Variants in SNX19 observed in about 807,000 individuals in gnomAD.
The protein encoded by SNX19 is sorting nexin-19.
SNX19 carries 60 observed loss-of-function variants against 85.2 expected under a neutral mutation model. The observed-to-expected ratio is 0.70, with a 90% confidence interval of 0.57 to 0.87. The LOEUF (loss-of-function observed/expected upper bound fraction) is 0.87, where lower values mean the gene tolerates loss of function less well. Ranked by LOEUF, SNX19 falls within the 40% of genes least tolerant of loss-of-function variation. The probability of loss-of-function intolerance (pLI) is 0.00; values close to 1 mark genes in which losing one functional copy is unlikely to be tolerated. For synonymous variants in SNX19, 520 were observed against 470.0 expected (o/e 1.11, Z -1.38); for missense variants, 1,201 against 1,217.8 (o/e 0.99, Z 0.21).
rs538029670 is a variant in SNX19 at position 130,905,960 on chromosome 11, G to A, written c.2436C>T (p.Ser812=). 1.1e-5 allele frequency: 17 copies of A among 1,614,196 alleles called. No individual in the cohort carries two copies. The African/African-American group carries it at 1.6e-4, about 15-fold the overall frequency. Reference sequence around the variant, plus strand: ...AGAGACCTCGCCACTCACCTGGATCGCTGTTGCTGGGGTCTTGGGCTGGCA... The same window carrying A: ...AGAGACCTCGCCACTCACCTGGATCACTGTTGCTGGGGTCTTGGGCTGGCA... ...AAVPAQDPSN[S]DPGTETELAD... is the part of the protein sequence containing the mutation. Residue 812 remains serine (S), a synonymous_variant, in exon 7 of 11, where the codon AGC becomes AGT. Transcript: ENST00000265909.
At chr11:130,912,273 AT>A (rs1459246406) in intron 1 of SNX19, among the ~76,000 whole-genome samples, 3 of 152,176 alleles carry the variant, frequency 2.0e-5, no homozygotes, top group Non-Finnish European at 4.4e-5. Flanking sequence ...ACGCAGATTA[AT>A]TTTCCTAATT....
At chr11:130,910,445 A>C in intron 2 of SNX19, 75 bp from the exon 3 acceptor site, 1 of 1,071,610 alleles carries the variant, frequency 9.3e-7, no homozygotes, top group South Asian at 1.5e-5. Context: ...AAAACATATA[A>C]AGAAAACAGA....
rs761450803 is a variant in SNX19, at chr11:130,878,558, A to T, written c.2847-4T>A. 31 of 1,612,312 alleles carry T rather than the reference A, an allele frequency of 1.9e-5. No individual in the cohort carries two copies. The highest frequency in any genetic ancestry group is 2.5e-5 in the Non-Finnish European group (30 of 1,179,218). On this transcript the variant is annotated splice_region_variant and splice_polypyrimidine_tract_variant and intron_variant, in intron 10 of 10. Transcript: ENST00000265909. ...CCCAAGGCAGTAAATCAAATGCCTG[A>T]AACGAATGGACAAAAAACTTAGGGT...
At chr11:130,909,003 G>T (rs1945881842) in intron 4 of SNX19, among the ~76,000 whole-genome samples, 1 of 152,164 alleles carries the variant, frequency 6.6e-6, no homozygotes, top group Admixed American at 6.5e-5. Flanking sequence ...TAAAGACTGG[G>T]GGAGAACAAA....
intron 8 of SNX19, among the ~76,000 whole-genome samples, chr11:130,886,865 A>G (rs1944118105): frequency 6.6e-6 from 1 of 152,132 alleles, no homozygotes; most frequent in African/African-American, 2.4e-5. Context: ...TCCAGACCCA[A>G]GTTACTCAGC....
At chr11:130,889,056 T>C (rs1944302657) in intron 8 of SNX19, among the ~76,000 whole-genome samples, 2 of 152,164 alleles carry the variant, frequency 1.3e-5, no homozygotes, top group African/African-American at 4.8e-5. Context: ...CCCAAACAAT[T>C]ACCTACATAT....
intron 8 of SNX19, among the ~76,000 whole-genome samples, chr11:130,881,706 C>T (rs2135283562): frequency 6.6e-6 from 1 of 152,366 alleles, no homozygotes; most frequent in Middle Eastern, 3.4e-3. Context: ...GAGCAAGTCT[C>T]AAGTCTGCCC....
At chr11:130,905,760 T>C in intron 7 of SNX19, 193 bp downstream of exon 7, 2 of 1,537,290 alleles carry the variant, frequency 1.3e-6, no homozygotes, top group African/African-American at 1.4e-5. Flanking sequence ...GTTCTGCTGC[T>C]TGATTCCGCT....
At chr11:130,887,544 G>A (rs1565515043) in intron 8 of SNX19, among the ~76,000 whole-genome samples, 1 of 152,186 alleles carries the variant, frequency 6.6e-6, no homozygotes, top group Non-Finnish European at 1.5e-5. Flanking sequence ...AATTAGCAAT[G>A]TGACCTCAGG....
At position 130,878,217 on chromosome 11, in the gene SNX19, C is replaced by G; in HGVS notation, c.*205G>C. On this transcript the variant is annotated 3_prime_UTR_variant, in exon 11 of 11. Transcript: ENST00000265909. ...AACAATCCCAACATCACAAAAGGAACAGGGAAATAAACGTGCATACAACTG... is the reference window on the plus strand; with the variant it reads ...AACAATCCCAACATCACAAAAGGAAGAGGGAAATAAACGTGCATACAACTG... 2.2e-6 allele frequency: 1 copy of G among 448,652 alleles called. No homozygotes were observed. The highest frequency in any genetic ancestry group is 3.9e-6 in the Non-Finnish European group (1 of 253,772). The allele number at this position is 448,652 out of a possible 1,614,324, so 27.8% of individuals were successfully genotyped here.
intron 7 of SNX19, 89 bp from the exon 8 acceptor site, chr11:130,903,473 C>A: frequency 7.1e-7 from 1 of 1,416,154 alleles, no homozygotes; most frequent in South Asian, 1.4e-5. Context: ...CTGTGTCTCT[C>A]TACCTTCATG....
chr11:130,904,634 G>C (rs1945512641), intron 7 of SNX19, among the ~76,000 whole-genome samples: 1 of 146,828 alleles, frequency 6.8e-6, no homozygotes, highest in African/African-American at 2.4e-5. Context: ...AGTTACAGCA[G>C]TGAAAAATAA....
At chr11:130,906,154 T>C in intron 6 of SNX19, 21 bp from the exon 7 acceptor site, 1 of 1,609,012 alleles carries the variant, frequency 6.2e-7, no homozygotes, top group Non-Finnish European at 8.5e-7. Context: ...GTCAGTGGCA[T>C]ATCACATATG....
chr11:130,891,798 A>G (rs1944514376), intron 8 of SNX19, among the ~76,000 whole-genome samples: 1 of 151,502 alleles, frequency 6.6e-6, no homozygotes, highest in African/African-American at 2.4e-5. Context: ...AACAATTTCT[A>G]TATTTGAGTA....
chr11:130,892,745 A>T (rs1944583705), intron 8 of SNX19: 1 of 151,902 alleles, frequency 6.6e-6, no homozygotes, highest in African/African-American at 2.4e-5. Flanking sequence ...ACCTCCATGT[A>T]CCAACCAATA....
chr11:130,908,987 C>T (rs1057095095), intron 4 of SNX19, among the ~76,000 whole-genome samples: 1 of 152,196 alleles, frequency 6.6e-6, no homozygotes, highest in African/African-American at 2.4e-5. Flanking sequence ...GGTCAGCAGA[C>T]TACAGTAAAG....
chr11:130,884,890 A>AAAAAAAAAAAAAAAAAAG (rs1565511876), intron 8 of SNX19, among the ~76,000 whole-genome samples: 1 of 145,502 alleles, frequency 6.9e-6, no homozygotes. Flanking sequence ...AAAAAAAAAA[A>AAAAAAAAAAAAAAAAAAG]AAATTACTTA....
rs917753004 is a variant in SNX19 at position 130,871,718 on chromosome 11, C to T, written c.*6704G>A. On this transcript the variant is annotated 3_prime_UTR_variant, in exon 11 of 11. Transcript: ENST00000265909. ...CTGTGTTTATCTAGCTACATCTTTA[C>T]TCTCATGGGTTAATCAAAGTTTCTG... 5.3e-5 allele frequency among the ~76,000 whole-genome samples: 8 copies of T among 152,162 alleles called. No individual in the cohort carries two copies. The highest frequency in any genetic ancestry group is 1.9e-4 in the African/African-American group (8 of 41,434).
At chr11:130,897,527 G>A (rs537265399) in intron 8 of SNX19, among the ~76,000 whole-genome samples, 4 of 152,274 alleles carry the variant, frequency 2.6e-5, no homozygotes, top group South Asian at 4.1e-4. Context: ...TGGCATTCAC[G>A]CATTCTGCTG....
Sources: gnomAD v4.1 joint callset for allele counts (sites outside exome capture counted in the v4.1 genomes callset) on GRCh38, gnomAD v4.1.1 for gene constraint, MANE v1.5 for transcripts, NCBI Gene and HGNC (gene_info 2026-07-23, HGNC 2026-07-21) for gene names.